Variants in STX19 observed in about 807,000 individuals in gnomAD.
STX19 encodes the protein syntaxin-19.
STX19 carries 26 observed loss-of-function variants against 24.3 expected under a neutral mutation model. That is an observed-to-expected ratio of 1.07 (90% confidence interval 0.78 to 1.48). STX19 has a LOEUF of 1.48. STX19 is among the 40% of genes most tolerant of loss of function. The pLI, the probability that STX19 is intolerant of heterozygous loss-of-function variation, is 0.00. For missense variants in STX19, 367 were observed against 331.9 expected, an observed-to-expected ratio of 1.11 and a Z score of -0.82; for synonymous variants, 116 against 106.9, an observed-to-expected ratio of 1.09 and a Z score of -0.52.
Position 94,025,601 on chromosome 3 carries a change from C to T in STX19, c.-14+2766G>A, listed in dbSNP as rs1427051419. On this transcript the variant is annotated intron_variant, in intron 1 of 1. Transcript: ENST00000315099. ...TTAGTGAAATTCGTCAGTAGCCTAGCTTCATTGGGGAGTTATACAAGAATG... is the reference window on the plus strand; with the variant it reads ...TTAGTGAAATTCGTCAGTAGCCTAGTTTCATTGGGGAGTTATACAAGAATG... Among the ~76,000 whole-genome samples, 3 of 152,252 alleles carry T rather than the reference C, an allele frequency of 2.0e-5. No homozygotes were observed. The East Asian group carries it at 5.8e-4, about 29-fold the overall frequency.
chr3:94,021,724 G>T lies in STX19; in HGVS notation c.-13-6442C>A, dbSNP rs868252596. 3.9e-5 allele frequency among the ~76,000 whole-genome samples: 6 copies of T among 152,172 alleles called. No individual in the cohort carries two copies. In the Middle Eastern group the frequency reaches 0.014, roughly 345 times the overall value. ...GTAATTTATCTTGTATAGCTTCCTA[G>T]TGTTCATTTTGTGGTTTAGTGGTAT... On this transcript the variant is annotated intron_variant, in intron 1 of 1. Coordinates refer to ENST00000315099, the MANE Select transcript of STX19 (RefSeq NM_001001850.3).
chr3:94,028,129 C>G (rs527478807), intron 1 of STX19, among the ~76,000 whole-genome samples: 8 of 151,982 alleles, frequency 5.3e-5, no homozygotes. Flanking sequence ...AAAATTTTTT[C>G]TTTCCTCTAA....
rs1392402727 is a variant in STX19, at chr3:94,015,378, G to A, written c.-13-96C>T. 8 of 867,050 alleles carry A rather than the reference G, an allele frequency of 9.2e-6. No individual in the cohort carries two copies. In the Admixed American group the frequency reaches 2.4e-4, roughly 26 times the overall value. 53.7% of individuals were successfully genotyped at this position (867,050 alleles called of 1,614,324 possible). A position where few individuals can be genotyped will look rare whatever the true frequency, so the allele number is the denominator to read the frequency against. ...CATAACTGTCTATATCCCAGCAAAA[G>A]TTCTCCTAGTTTTCTCAAATGAGGT... On this transcript the variant is annotated intron_variant, in intron 1 of 1. Coordinates refer to ENST00000315099, the MANE Select transcript of STX19 (RefSeq NM_001001850.3).
chr3:94,027,949 A>G lies in STX19; in HGVS notation c.-14+418T>C, dbSNP rs2076592037. On this transcript the variant is annotated intron_variant, in intron 1 of 1. Transcript: ENST00000315099. ...CAAATTATTTCAGATTTTTAAGGTTATACGTATGTGTCAAATTTGGGTATA... is the reference window on the plus strand; with the variant it reads ...CAAATTATTTCAGATTTTTAAGGTTGTACGTATGTGTCAAATTTGGGTATA... Among the ~76,000 whole-genome samples, 3 of 152,130 alleles carry G rather than the reference A, an allele frequency of 2.0e-5. No individual in the cohort carries two copies. The South Asian group carries it at 6.2e-4, about 31-fold the overall frequency.
chr3:94,016,572 G>A (rs1025909656), intron 1 of STX19, among the ~76,000 whole-genome samples: 7 of 151,650 alleles, frequency 4.6e-5, no homozygotes, highest in South Asian at 2.1e-4. Context: ...AAATATTTTC[G>A]TATCTACAGA....
chr3:94,023,602 C>T (rs1188764247), intron 1 of STX19, among the ~76,000 whole-genome samples: 1 of 151,976 alleles, frequency 6.6e-6, no homozygotes, highest in African/African-American at 2.4e-5. Flanking sequence ...CCAAGAAAAG[C>T]AACGTCCAAA....
intron 1 of STX19, among the ~76,000 whole-genome samples, chr3:94,025,079 A>G (rs2076527648): frequency 6.6e-6 from 1 of 152,206 alleles, no homozygotes; most frequent in Non-Finnish European, 1.5e-5. Context: ...TTTGGAAAGC[A>G]GGATATTTGA....
chr3:94,021,299 A>G (rs2076444353), intron 1 of STX19, among the ~76,000 whole-genome samples: 2 of 151,306 alleles, frequency 1.3e-5, no homozygotes, highest in Non-Finnish European at 2.9e-5. Flanking sequence ...GTTCGAAGCG[A>G]TTCTCCTGCG....
intron 1 of STX19, among the ~76,000 whole-genome samples, chr3:94,017,464 G>A (rs1262516845): frequency 6.6e-6 from 1 of 152,188 alleles, no homozygotes; most frequent in Non-Finnish European, 1.5e-5. Flanking sequence ...AGGCAGGCAT[G>A]TTACAGAAAT....
chr3:94,018,825 G>A (rs1444580044), intron 1 of STX19, among the ~76,000 whole-genome samples: 3 of 152,158 alleles, frequency 2.0e-5, no homozygotes, highest in African/African-American at 7.2e-5. Flanking sequence ...GAGTGCAGTG[G>A]TGTGGTCTCG....
intron 1 of STX19, among the ~76,000 whole-genome samples, chr3:94,024,912 A>C (rs2076524925): frequency 6.6e-6 from 1 of 152,180 alleles, no homozygotes; most frequent in Non-Finnish European, 1.5e-5. Flanking sequence ...ATTAGAAATA[A>C]AGTAATCAAA....
At position 94,014,727 on chromosome 3, in the gene STX19, ATCT is replaced by A; in HGVS notation, c.540_542del (p.Glu180del). On this transcript the variant is annotated inframe_deletion, in exon 2 of 2. Coordinates refer to ENST00000315099, the MANE Select transcript of STX19 (RefSeq NM_001001850.3). Reference sequence around the variant, plus strand: ...TTCCTTGATGAAGCATATCATTTACATCTTCTTCAGACATCTCTTTTCCAGCAA... The same window carrying A: ...TTCCTTGATGAAGCATATCATTTACATCTTCAGACATCTCTTTTCCAGCAA... 2 of 1,613,056 alleles carry A rather than the reference ATCT, an allele frequency of 1.2e-6. No homozygotes were observed. Among genetic ancestry groups the A allele is most frequent in the Non-Finnish European group, 1.7e-6 (2 of 1,179,748 alleles).
intron 1 of STX19, among the ~76,000 whole-genome samples, chr3:94,024,953 A>T (rs1379976277): frequency 2.0e-5 from 3 of 152,168 alleles, no homozygotes; most frequent in African/African-American, 7.2e-5. Flanking sequence ...TAGTTTAAAA[A>T]TTTTTAAGAA....
chr3:94,022,396 G>A lies in STX19; in HGVS notation c.-14+5971C>T, dbSNP rs2076467522. ...CCGCCTCAGCCTCCCAAAGTGCTGG[G>A]ATTACAGGTGTGAGCCACCGCACCC... On this transcript the variant is annotated intron_variant, in intron 1 of 1. Transcript: ENST00000315099. Among the ~76,000 whole-genome samples the A allele has an allele frequency of 3.9e-5, 6 of 152,238 alleles. No homozygotes were observed. The South Asian group carries it at 1.2e-3, about 32-fold the overall frequency.
At position 94,015,278 on chromosome 3, in the gene STX19, T is replaced by G. The variant is rs1269622187; in HGVS notation, c.-9A>C. 1.3e-6 allele frequency: 2 copies of G among 1,519,662 alleles called. No homozygotes were observed. The highest frequency in any genetic ancestry group is 1.8e-6 in the Non-Finnish European group (2 of 1,141,116). 94.1% of individuals were successfully genotyped at this position (1,519,662 alleles called of 1,614,324 possible). A position where few individuals can be genotyped will look rare whatever the true frequency, so the allele number is the denominator to read the frequency against. ...TGAAGTCGGTCTTTCATCTTCCCTTTCCTCCTAAGAAGCAAAAATTTTTGT... is the reference window on the plus strand; with the variant it reads ...TGAAGTCGGTCTTTCATCTTCCCTTGCCTCCTAAGAAGCAAAAATTTTTGT... On this transcript the variant is annotated 5_prime_UTR_variant, in exon 2 of 2. Transcript: ENST00000315099.
At chr3:94,022,792 C>T (rs954605876) in intron 1 of STX19, among the ~76,000 whole-genome samples, 2 of 151,914 alleles carry the variant, frequency 1.3e-5, no homozygotes, top group Non-Finnish European at 2.9e-5. Flanking sequence ...AAAGTAAATA[C>T]ATCCATGTAA....
In STX19 at chr3:94,014,858, C is replaced by A; in HGVS notation, c.412G>T (p.Ala138Ser). ...TGCTGAAAATGGCGGAACATTGCAG[C>A]ATGCTGAGATTTAAGTATCCTTGTG... Reference protein sequence around the residue: ...VVTRILKSQHAAMFRHFQQIM... With the variant: ...VVTRILKSQHSAMFRHFQQIM... The change falls in exon 2 of 2, where the codon GCT becomes TCT. Residue 138 changes from alanine (A) to serine (S), a missense_variant. Coordinates refer to ENST00000315099, the MANE Select transcript of STX19 (RefSeq NM_001001850.3). 1 of 1,614,004 alleles carries A rather than the reference C, an allele frequency of 6.2e-7. No homozygotes were observed. The highest frequency in any genetic ancestry group is 1.1e-5 in the South Asian group (1 of 91,062).
intron 1 of STX19, among the ~76,000 whole-genome samples, chr3:94,021,007 T>C (rs913686836): frequency 6.6e-6 from 1 of 151,998 alleles, no homozygotes; most frequent in Non-Finnish European, 1.5e-5. Context: ...AGAGTAGAGC[T>C]AACCAAAGCT....
Position 94,015,245 on chromosome 3 carries a change from T to G in STX19, c.25A>C (p.Lys9Gln). Residue 9 changes from lysine (K) to glutamine (Q), a missense_variant, in exon 2 of 2, where the codon AAG becomes CAG. By Grantham distance (53) the Lys-to-Gln change is moderately conservative. Coordinates refer to ENST00000315099, the MANE Select transcript of STX19 (RefSeq NM_001001850.3). MKDRLQEL[K>Q]QRTKEIELSR... ...AGTTCAATTTCCTTTGTTCTCTGCT[T>G]TAGTTCTTGAAGTCGGTCTTTCATC... 6.4e-7 allele frequency: 1 copy of G among 1,555,952 alleles called. No individual in the cohort carries two copies. The highest frequency in any genetic ancestry group is 8.7e-7 in the Non-Finnish European group (1 of 1,155,548).
Sources: allele counts gnomAD v4.1 joint callset (sites outside exome capture counted in the v4.1 genomes callset), GRCh38; gene constraint gnomAD v4.1.1; transcripts MANE v1.5; gene names NCBI Gene and HGNC (gene_info 2026-07-23, HGNC 2026-07-21).